C14orf39: variants seen among roughly 807,000 people sequenced by gnomAD.
C14orf39 encodes protein SIX6OS1.
C14orf39 carries 66 observed loss-of-function variants against 85.6 expected under a neutral mutation model. That is an observed-to-expected ratio of 0.77 (90% CI 0.63 to 0.95). C14orf39 has a LOEUF of 0.95. Ranked by LOEUF, C14orf39 falls within the 40% of genes least tolerant of loss-of-function variation. C14orf39 has a pLI of 0.00. For missense variants in C14orf39, 735 were observed against 663.9 expected, an observed-to-expected ratio of 1.11 and a Z score of -1.18; for synonymous variants, 242 against 214.0, an observed-to-expected ratio of 1.13 and a Z score of -1.14.
In C14orf39 at chr14:60,484,861, G is replaced by C; in HGVS notation, c.106+20C>G. On this transcript the variant is annotated intron_variant, in intron 3 of 17. Coordinates refer to ENST00000321731, the MANE Select transcript of C14orf39 (RefSeq NM_174978.3). This position sits in a 1 kb window ranked among gnomAD's most constrained non-coding sequence, Gnocchi z 4.2. ...AGGAATTAAAAGACTAAAATATCTT[G>C]ATCATGCAAAGCTACTTACTATTAA... is the stretch of plus-strand genomic sequence containing the variant. 2.6e-6 allele frequency: 4 copies of C among 1,518,474 alleles called. No homozygotes were observed. Among genetic ancestry groups the C allele is most frequent in the Non-Finnish European group, 3.6e-6 (4 of 1,109,330 alleles). 94.1% of individuals were successfully genotyped at this position (1,518,474 alleles called of 1,614,324 possible).
Position 60,484,965 on chromosome 14 carries a change from CA to C in C14orf39, c.50-29del. ...AAAATAAATAATTATCTTGTGACTTCAATTCATTGTTAAAATATCAAATGAT... is the reference window on the plus strand; with the variant it reads ...AAAATAAATAATTATCTTGTGACTTCATTCATTGTTAAAATATCAAATGAT... On this transcript the variant is annotated intron_variant, in intron 2 of 17. Coordinates refer to ENST00000321731, the MANE Select transcript of C14orf39 (RefSeq NM_174978.3). The surrounding 1 kb of genome is among the most constrained non-coding windows in gnomAD (Gnocchi z 4.2). 6.3e-7 allele frequency: 1 copy of C among 1,579,612 alleles called. No individual in the cohort carries two copies. The highest frequency in any genetic ancestry group is 1.4e-5 in the African/African-American group (1 of 73,046).
chr14:60,496,311 T>C (rs982015893), intron 2 of C14orf39: 1 of 368,070 alleles, frequency 2.7e-6, no homozygotes, highest in South Asian at 2.2e-5. Flanking sequence ...CAGAAGCTGA[T>C]TCATCATACC....
intron 17 of C14orf39, among the ~76,000 whole-genome samples, chr14:60,439,925 A>T (rs570847837): frequency 6.6e-6 from 1 of 152,210 alleles, no homozygotes; most frequent in East Asian, 1.9e-4. Context: ...AATACAAAAA[A>T]TTAGCTGGGC....
At chr14:60,478,572 A>G (rs1329191424) in intron 4 of C14orf39, among the ~76,000 whole-genome samples, 183 bp from the exon 5 acceptor site, 1 of 152,172 alleles carries the variant, frequency 6.6e-6, no homozygotes, top group African/African-American at 2.4e-5. Flanking sequence ...TTCAAGGACT[A>G]TTATGCTCGA....
intron 17 of C14orf39, among the ~76,000 whole-genome samples, chr14:60,439,334 G>A (rs1009398907): frequency 2.6e-5 from 4 of 152,136 alleles, no homozygotes; most frequent in Admixed American, 2.0e-4. Context: ...ATTAAGCTGT[G>A]ATCTATAGGT....
chr14:60,494,635 T>C (rs989196688), intron 2 of C14orf39: 2 of 152,334 alleles, frequency 1.3e-5, no homozygotes, highest in East Asian at 3.9e-4. Context: ...GAGACTCTGA[T>C]GTGATAGCTT....
In C14orf39 at chr14:60,436,810, G is replaced by C; in HGVS notation, c.*35C>G. 4.8e-6 allele frequency: 7 copies of C among 1,443,958 alleles called. No homozygotes were observed. Among genetic ancestry groups the C allele is most frequent in the Non-Finnish European group, 6.7e-6 (7 of 1,037,680 alleles). The allele number at this position is 1,443,958 out of a possible 1,614,324, so 89.4% of individuals were successfully genotyped here. ...GTAAATTTATGCCCTCATGAACACA[G>C]AACAGTAAAATAATTTAAGGAATTA... On this transcript the variant is annotated 3_prime_UTR_variant, in exon 18 of 18. Coordinates refer to ENST00000321731, the MANE Select transcript of C14orf39 (RefSeq NM_174978.3).
intron 2 of C14orf39, among the ~76,000 whole-genome samples, chr14:60,492,002 C>T (rs1423084859): frequency 1.3e-5 from 2 of 152,152 alleles, no homozygotes; most frequent in African/African-American, 2.4e-5. Context: ...ATTTACAAGC[C>T]ATTACTAGCT....
chr14:60,469,929 GTTTT>G lies in C14orf39; in HGVS notation c.555-280_555-277del, dbSNP rs373485742. Among the ~76,000 whole-genome samples the G allele has an allele frequency of 1.5e-4, 16 of 108,264 alleles. No individual in the cohort carries two copies. In the Middle Eastern group the frequency reaches 0.055, roughly 370 times the overall value. 71.0% of individuals were successfully genotyped at this position (108,264 alleles called of 152,430 possible). On this transcript the variant is annotated intron_variant, in intron 7 of 17. Transcript: ENST00000321731. ...TTCAGTTAAGTATTTTCACAGGGTA[GTTTT>G]TTTTTTTTTTTTTTTGCTTTTTAAA...
chr14:60,445,871 C>T (rs1384096530), intron 16 of C14orf39, among the ~76,000 whole-genome samples: 1 of 152,146 alleles, frequency 6.6e-6, no homozygotes, highest in African/African-American at 2.4e-5. Context: ...TCTCTCAGAC[C>T]ACAGTGCAAT....
intron 4 of C14orf39, among the ~76,000 whole-genome samples, chr14:60,481,992 G>C (rs1430556572): frequency 6.6e-6 from 1 of 152,094 alleles, no homozygotes; most frequent in Non-Finnish European, 1.5e-5. Context: ...TATTTAGAAA[G>C]ACCTTCCTCT....
chr14:60,476,768 A>C (rs1056103866), intron 5 of C14orf39, among the ~76,000 whole-genome samples: 2 of 152,186 alleles, frequency 1.3e-5, no homozygotes, highest in Non-Finnish European at 1.5e-5. Context: ...GGGGGAGGTC[A>C]CTGAAGCACA....
At chr14:60,463,080 T>G (rs1185221767) in intron 11 of C14orf39, among the ~76,000 whole-genome samples, 1 of 152,140 alleles carries the variant, frequency 6.6e-6, no homozygotes, top group Non-Finnish European at 1.5e-5. Flanking sequence ...CAAATTACAC[T>G]TCCACTATTC....
Position 60,437,038 on chromosome 14 carries a change from A to C in C14orf39, c.1571T>G (p.Leu524Arg), listed in dbSNP as rs771622260. 1.7e-5 allele frequency: 28 copies of C among 1,602,364 alleles called. No homozygotes were observed. The highest frequency in any genetic ancestry group is 1.0e-4 in the South Asian group (9 of 88,534). Reference sequence around the variant, plus strand: ...GCCATCTTCTCCTTCTGGCTTCTCAAGTAAGTTTCCTAAGGAAGATAAACA... The same window carrying C: ...GCCATCTTCTCCTTCTGGCTTCTCACGTAAGTTTCCTAAGGAAGATAAACA... ...LSSEQEIGNL[L>R]EKPEGEDGFT... is the part of the protein sequence containing the mutation. Residue 524 changes from leucine (L) to arginine (R), a missense_variant, in exon 18 of 18, where the codon CTT (leucine) becomes CGT (arginine). Transcript: ENST00000321731.
At chr14:60,481,733 G>T (rs188742023) in intron 4 of C14orf39, among the ~76,000 whole-genome samples, 1 of 152,124 alleles carries the variant, frequency 6.6e-6, no homozygotes, top group East Asian at 1.9e-4. Flanking sequence ...TTCTGCACAT[G>T]TATTAGACTT....
chr14:60,504,857 GT>G (rs1469266711), intron 1 of C14orf39, among the ~76,000 whole-genome samples: 1 of 152,204 alleles, frequency 6.6e-6, no homozygotes, highest in Admixed American at 6.5e-5. Flanking sequence ...CTAGCTAGAA[GT>G]CAAAACACAG....
At chr14:60,444,814 C>T (rs1268862037) in intron 16 of C14orf39, among the ~76,000 whole-genome samples, 2 of 152,130 alleles carry the variant, frequency 1.3e-5, no homozygotes, top group African/African-American at 4.8e-5. Flanking sequence ...GGTCGGGTTA[C>T]CCACAAAGGG....
At chr14:60,444,232 C>T (rs1264154870) in intron 16 of C14orf39, among the ~76,000 whole-genome samples, 3 of 152,048 alleles carry the variant, frequency 2.0e-5, no homozygotes, top group Non-Finnish European at 2.9e-5. Flanking sequence ...TTCAGAAGGT[C>T]GGTAATAACA....
chr14:60,479,182 TATA>T (rs1309226071), intron 4 of C14orf39, among the ~76,000 whole-genome samples: 3 of 152,212 alleles, frequency 2.0e-5, no homozygotes, highest in South Asian at 4.1e-4. Context: ...CAGATGTTAC[TATA>T]ATTATACATT....
Sources: gnomAD v4.1 joint callset for allele counts (sites outside exome capture counted in the v4.1 genomes callset) on GRCh38, gnomAD v4.1.1 for gene constraint, Gnocchi (gnomAD v3.1) non-coding constraint, MANE v1.5 for transcripts, NCBI Gene and HGNC (gene_info 2026-07-23, HGNC 2026-07-21) for gene names.